LRP1B: variants seen among roughly 807,000 people sequenced by gnomAD.
LRP1B encodes the protein LDL receptor related protein 1B, also known as low-density lipoprotein receptor-related protein 1B.
A neutral mutation model predicts 556.6 loss-of-function variants in LRP1B; 217 were observed. That is an observed-to-expected ratio of 0.39 (90% CI 0.35 to 0.44). The LOEUF is 0.44. Ranked by LOEUF, LRP1B falls within the 20% of genes least tolerant of loss-of-function variation. The pLI, the probability that LRP1B is intolerant of heterozygous loss-of-function variation, is 1.00. For missense variants in LRP1B, 5,053 were observed against 5,620.8 expected (o/e 0.90, Z 3.23); for synonymous variants, 2,047 against 1,865.8 (o/e 1.10, Z -2.50).
intron 1 of LRP1B, among the ~76,000 whole-genome samples, chr2:141,936,707 A>G (rs1483761381): frequency 6.6e-6 from 1 of 152,160 alleles, no homozygotes; most frequent in Non-Finnish European, 1.5e-5. Context: ...TTGTATTCCC[A>G]TTGACTGACT....
At chr2:140,505,869 C>A (rs1272716075) in intron 53 of LRP1B, among the ~76,000 whole-genome samples, 1 of 152,130 alleles carries the variant, frequency 6.6e-6, no homozygotes, top group Admixed American at 6.5e-5. Context: ...CTTGTCTATG[C>A]ATTCAGATAT....
chr2:141,959,124 A>G (rs1347623759), intron 1 of LRP1B, among the ~76,000 whole-genome samples: 3 of 151,818 alleles, frequency 2.0e-5, no homozygotes, highest in Non-Finnish European at 4.4e-5. Context: ...TTCTTAGGAC[A>G]TCAGTCTGTC....
chr2:140,420,680 G>A (rs1006515369), intron 66 of LRP1B, among the ~76,000 whole-genome samples: 1 of 152,078 alleles, frequency 6.6e-6, no homozygotes, highest in African/African-American at 2.4e-5. Context: ...CCATATAAAA[G>A]AATTAATATT....
intron 90 of LRP1B, among the ~76,000 whole-genome samples, chr2:140,234,178 G>A (rs1680594405): frequency 6.6e-6 from 1 of 151,212 alleles, no homozygotes; most frequent in African/African-American, 2.4e-5. Flanking sequence ...AAATGAGGAT[G>A]AAAACAGTTG....
intron 3 of LRP1B, among the ~76,000 whole-genome samples, chr2:141,381,470 G>A (rs892301208): frequency 6.6e-6 from 1 of 151,854 alleles, no homozygotes; most frequent in Non-Finnish European, 1.5e-5. Context: ...GAAAGGGACA[G>A]AAGGCTTACT....
At chr2:141,855,269 TA>T (rs199609059) in intron 1 of LRP1B, among the ~76,000 whole-genome samples, 8 of 151,044 alleles carry the variant, frequency 5.3e-5, no homozygotes, top group East Asian at 1.9e-4. Flanking sequence ...CTGTTGTTCA[TA>T]AAAAAAAACT....
chr2:140,824,551 G>T (rs1199753787), intron 31 of LRP1B, among the ~76,000 whole-genome samples: 1 of 152,044 alleles, frequency 6.6e-6, no homozygotes, highest in Non-Finnish European at 1.5e-5. Context: ...GGAATAAGTG[G>T]AGAAGAAAAT....
chr2:141,746,552 A>T (rs1205176652), intron 2 of LRP1B, among the ~76,000 whole-genome samples: 1 of 152,020 alleles, frequency 6.6e-6, no homozygotes, highest in Admixed American at 6.6e-5. Context: ...TCAGATCAAG[A>T]TGGTCTTTTC....
chr2:141,490,138 C>G (rs13391905), intron 2 of LRP1B, among the ~76,000 whole-genome samples: 1 of 151,936 alleles, frequency 6.6e-6, no homozygotes, highest in African/African-American at 2.4e-5. Flanking sequence ...AATATCCTTT[C>G]TCTTTTGAAG....
At chr2:140,763,313 A>T (rs773118323) in intron 35 of LRP1B, among the ~76,000 whole-genome samples, 5 of 152,110 alleles carry the variant, frequency 3.3e-5, no homozygotes, top group Non-Finnish European at 7.4e-5. Flanking sequence ...AAAGAGTGGT[A>T]CATTCAATTC....
chr2:140,492,958 G>A (rs929572996), intron 56 of LRP1B, among the ~76,000 whole-genome samples: 6 of 152,034 alleles, frequency 3.9e-5, no homozygotes, highest in Non-Finnish European at 7.4e-5. Context: ...TAATTTATTC[G>A]GAATTAGTAG....
chr2:142,076,227 G>A (rs1705496689), intron 1 of LRP1B, among the ~76,000 whole-genome samples: 1 of 151,968 alleles, frequency 6.6e-6, no homozygotes, highest in African/African-American at 2.4e-5. Flanking sequence ...TTGAAGATGT[G>A]GACCACAATA....
intron 18 of LRP1B, among the ~76,000 whole-genome samples, chr2:140,957,076 GA>G (rs1213925546): frequency 6.6e-6 from 1 of 151,526 alleles, no homozygotes; most frequent in East Asian, 1.9e-4. Flanking sequence ...AAGACATTTG[GA>G]ATACAATTAA....
At chr2:141,895,822 GT>G (rs1342956019) in intron 1 of LRP1B, among the ~76,000 whole-genome samples, 2 of 151,972 alleles carry the variant, frequency 1.3e-5, no homozygotes, top group South Asian at 4.1e-4. Context: ...AGAATCTTTG[GT>G]TTTTTTCTTT....
At chr2:140,269,406 C>G (rs1173673526) in intron 86 of LRP1B, 7 of 467,804 alleles carry the variant, frequency 1.5e-5, no homozygotes, top group Non-Finnish European at 8.8e-6. Context: ...TAAAATACAG[C>G]TAAATAAAGC....
chr2:141,620,950 T>TAA (rs11447920), intron 2 of LRP1B, among the ~76,000 whole-genome samples: 59 of 147,106 alleles, frequency 4.0e-4, no homozygotes, highest in South Asian at 8.5e-4. Flanking sequence ...AACCTTTTAA[T>TAA]AAAAAAAAAA....
chr2:140,449,400 A>G (rs1045055930), intron 63 of LRP1B, among the ~76,000 whole-genome samples: 52 of 152,242 alleles, frequency 3.4e-4, no homozygotes, highest in African/African-American at 1.2e-3. Context: ...GGTTTTTTGA[A>G]AAGAATAATT....
intron 3 of LRP1B, among the ~76,000 whole-genome samples, chr2:141,353,894 C>T (rs750831180): frequency 1.6e-4 from 24 of 151,902 alleles, no homozygotes; most frequent in Non-Finnish European, 2.4e-4. Context: ...AAATTTTCAG[C>T]GTAGCTACTT....
At chr2:140,911,682 A>G (rs74974129) in intron 21 of LRP1B, among the ~76,000 whole-genome samples, 6,297 of 151,834 alleles carry the variant, frequency 0.041, 213 homozygotes, top group South Asian at 0.1. Flanking sequence ...ATGACATTCT[A>G]TACTTAAGCA....
Sources: gnomAD v4.1 joint callset for allele counts (sites outside exome capture counted in the v4.1 genomes callset) on GRCh38, gnomAD v4.1.1 for gene constraint, MANE v1.5 for transcripts, NCBI Gene and HGNC (gene_info 2026-07-23, HGNC 2026-07-21) for gene names.